DNAH1: variants seen among roughly 807,000 people sequenced by gnomAD.
The protein encoded by DNAH1 is axonemal beta dynein heavy chain 1.
In DNAH1, 327 loss-of-function variants were observed where a neutral mutation model predicts 484.3. The ratio of observed to expected loss-of-function variants is 0.68; its 90% CI spans 0.62 to 0.74. DNAH1 has a LOEUF of 0.74. Ranked by LOEUF, DNAH1 falls within the 30% of genes least tolerant of loss-of-function variation. The pLI, the probability that DNAH1 is intolerant of heterozygous loss-of-function variation, is 0.00. For missense variants in DNAH1, 5,052 were observed against 5,546.8 expected (o/e 0.91, Z 2.83); for synonymous variants, 2,192 against 2,191.9 (o/e 1.00, Z 0.00).
At position 52,373,018 on chromosome 3, in the gene DNAH1, T is replaced by C. The variant is rs1223852781; in HGVS notation, c.6950T>C (p.Met2317Thr). The change falls in exon 44 of 78, where the codon ATG becomes ACG. Residue 2317 changes from methionine (M) to threonine (T), a missense_variant. Met to Thr is a moderately conservative substitution (Grantham distance 81, BLOSUM62 -1). This residue lies in a region of DNAH1 where 2,929 missense variants were observed against 3,409.4 expected (regional missense o/e 0.86). Transcript: ENST00000420323. ...CCCATCGAGCTGTTGCGCCAGTGGATGGACCACGGCGGCTGGTACGACCGC... is the reference window on the plus strand; with the variant it reads ...CCCATCGAGCTGTTGCGCCAGTGGACGGACCACGGCGGCTGGTACGACCGC... Reference protein sequence around the residue: ...QPPIELLRQWMDHGGWYDRKI... With the variant: ...QPPIELLRQWTDHGGWYDRKI... 1.2e-6 allele frequency: 2 copies of C among 1,613,456 alleles called. No individual in the cohort carries two copies. Among genetic ancestry groups the C allele is most frequent in the Admixed American group, 3.3e-5 (2 of 60,018 alleles).
intron 66 of DNAH1, 90 bp downstream of exon 66, chr3:52,393,575 C>A: frequency 6.4e-7 from 1 of 1,556,538 alleles, no homozygotes; most frequent in South Asian, 1.1e-5. Context: ...GAAAGCCAGG[C>A]ATGAAGGCAC....
At chr3:52,342,057 G>A (rs1057300093) in intron 8 of DNAH1, among the ~76,000 whole-genome samples, 9 of 152,214 alleles carry the variant, frequency 5.9e-5, no homozygotes, top group African/African-American at 2.2e-4. Context: ...TATATTAGGC[G>A]GTCAGGGAAA....
intron 47 of DNAH1, 55 bp downstream of exon 47, chr3:52,378,835 C>T (rs1273805638): frequency 3.8e-6 from 6 of 1,596,484 alleles, no homozygotes; most frequent in East Asian, 2.2e-5. Flanking sequence ...CGCATCCTCC[C>T]CAGCCCCACC....
chr3:52,372,437 C>G, intron 43 of DNAH1, 50 bp downstream of exon 43: 1 of 1,600,796 alleles, frequency 6.2e-7, no homozygotes, highest in East Asian at 2.2e-5. Context: ...CCAGCCTGGC[C>G]GATCCAGCTG....
intron 73 of DNAH1, 142 bp downstream of exon 73, chr3:52,397,186 C>A: frequency 1.2e-6 from 1 of 858,776 alleles, no homozygotes; most frequent in African/African-American, 1.7e-5. Context: ...TCCATCCCAT[C>A]CCACAAAGAC....
In DNAH1 at chr3:52,372,964, C is replaced by T. The variant is rs752994430; in HGVS notation, c.6896C>T (p.Pro2299Leu). The change falls in exon 44 of 78, where the codon CCG (proline) becomes CTG (leucine). Residue 2299 changes from proline to leucine, a missense_variant. Pro to Leu is a moderately conservative substitution (Grantham distance 98). Transcript: ENST00000420323. ...TTCTTCATCGATGACCTGAACATGC[C>T]GGCCCTGGAGACCTACGGTGCACAG... is the stretch of plus-strand genomic sequence containing the variant. ...FIFFIDDLNM[P>L]ALETYGAQPP... 49 of 1,613,662 alleles carry T rather than the reference C, an allele frequency of 3.0e-5. No homozygotes were observed. The highest frequency in any genetic ancestry group is 3.4e-5 in the Non-Finnish European group (40 of 1,179,850).
At chr3:52,374,850 G>A (rs1703513614) in intron 44 of DNAH1, 3 of 1,105,700 alleles carry the variant, frequency 2.7e-6, no homozygotes, top group Non-Finnish European at 2.8e-6. Context: ...AGAAGCATGG[G>A]TTAAAATAGA....
chr3:52,322,562 G>T lies in DNAH1; in HGVS notation c.120G>T (p.Lys40Asn), dbSNP rs1466923278. The change falls in exon 2 of 78, where the codon AAG becomes AAT. Residue 40 changes from lysine to asparagine, a missense_variant. By Grantham distance (94) the Lys-to-Asn change is moderately conservative. Transcript: ENST00000420323. ...GGGGCCTAGAGTATAACCCGGGGAAGATTCTTCCAGGATCAGACTATGGGT... is the reference window on the plus strand; with the variant it reads ...GGGGCCTAGAGTATAACCCGGGGAATATTCTTCCAGGATCAGACTATGGGT... Reference protein sequence around the residue: ...THRGLEYNPGKILPGSDYGLG... With the variant: ...THRGLEYNPGNILPGSDYGLG... 6.2e-7 allele frequency: 1 copy of T among 1,613,910 alleles called. No individual in the cohort carries two copies. The highest frequency in any genetic ancestry group is 8.5e-7 in the Non-Finnish European group (1 of 1,179,854).
At chr3:52,371,855 C>G in intron 41 of DNAH1, 91 bp from the exon 42 acceptor site, 5 of 1,551,270 alleles carry the variant, frequency 3.2e-6, no homozygotes, top group Non-Finnish European at 4.3e-6. Context: ...CCGTGCAGCT[C>G]CTGGCCCTTC....
chr3:52,341,530 C>CTTT (rs55645528), intron 8 of DNAH1, among the ~76,000 whole-genome samples: 31 of 101,152 alleles, frequency 3.1e-4, no homozygotes, highest in East Asian at 5.1e-4. Flanking sequence ...TTGACTTTGA[C>CTTT]TTTTTTTTTT....
In DNAH1 at chr3:52,395,629, G is replaced by C; in HGVS notation, c.11210G>C (p.Ser3737Thr). 1.2e-6 allele frequency: 2 copies of C among 1,613,914 alleles called. No individual in the cohort carries two copies. Among genetic ancestry groups the C allele is most frequent in the Non-Finnish European group, 1.7e-6 (2 of 1,179,900 alleles). ...TTCCAGAACTGCCACCTGGCACCAA[G>C]CTGGATGCCAGCCCTAGAACGCCTC... ...VFFQNCHLAP[S>T]WMPALERLIE... Residue 3737 changes from serine (S) to threonine (T), a missense_variant, in exon 70 of 78, where the codon AGC becomes ACC. This residue lies in a region of DNAH1 where 853 missense variants were observed against 899.0 expected (regional missense o/e 0.95). Transcript: ENST00000420323. This position sits in a 1 kb window ranked among gnomAD's most constrained non-coding sequence, Gnocchi z 4.4.
intron 45 of DNAH1, 83 bp from the exon 46 acceptor site, chr3:52,375,872 T>TC: frequency 1.3e-6 from 2 of 1,503,036 alleles, no homozygotes; most frequent in South Asian, 2.3e-5. Flanking sequence ...AGATGCTGTT[T>TC]CCCCCACCAT....
intron 41 of DNAH1, among the ~76,000 whole-genome samples, 158 bp from the exon 42 acceptor site, chr3:52,371,788 G>C (rs1002991771): frequency 6.6e-6 from 1 of 152,184 alleles, no homozygotes; most frequent in African/African-American, 2.4e-5. Context: ...CAGGGCACAG[G>C]ACTTTCCATT....
At chr3:52,351,825 T>C in intron 16 of DNAH1, 137 bp from the exon 17 acceptor site, 1 of 1,087,820 alleles carries the variant, frequency 9.2e-7, no homozygotes, top group East Asian at 2.6e-5. Flanking sequence ...CCAGGTAGCC[T>C]CCACAGCTGC....
chr3:52,323,294 G>A (rs1428621100), intron 2 of DNAH1, among the ~76,000 whole-genome samples: 1 of 152,080 alleles, frequency 6.6e-6, no homozygotes, highest in Admixed American at 6.6e-5. Flanking sequence ...GCTAGAATGC[G>A]AGGGGAGAGA....
chr3:52,386,599 G>C, intron 55 of DNAH1, 63 bp from the exon 56 acceptor site: 1 of 1,468,080 alleles, frequency 6.8e-7, no homozygotes, highest in Non-Finnish European at 9.1e-7. Flanking sequence ...CTTTCTGGCA[G>C]GGTCCCTGCC....
chr3:52,332,174 G>T lies in DNAH1; in HGVS notation c.1066G>T (p.Val356Leu). 2 of 1,579,018 alleles carry T rather than the reference G, an allele frequency of 1.3e-6. No individual in the cohort carries two copies. Among genetic ancestry groups the T allele is most frequent in the South Asian group, 1.2e-5 (1 of 86,764 alleles). Residue 356 changes from valine (V) to leucine (L), a missense_variant, in exon 8 of 78, where the codon GTG becomes TTG. Transcript: ENST00000420323. ...RPPLQVCQYW[V>L]PRIQLLFCAE... ...ACCCCTTCAGGTCTGTCAGTACTGG[G>T]TGCCACGGATCCAGCTTCTCTTCTG...
In DNAH1 at chr3:52,348,929, G is replaced by A. The variant is rs1489645882; in HGVS notation, c.2148G>A (p.Leu716=). The A allele has an allele frequency of 1.2e-6, 2 of 1,613,400 alleles. No homozygotes were observed. Among genetic ancestry groups the A allele is most frequent in the African/African-American group, 1.3e-5 (1 of 75,038 alleles). The change falls in exon 13 of 78, where the codon CTG becomes CTA. Residue 716 remains leucine, a synonymous_variant. Transcript: ENST00000420323. ...TCTTCATCAGCGGTGACCCCCTGCT[G>A]GAGTCCGTGGGCCTTCATGAGCCAC... ...EDIFISGDPL[L]ESVGLHEPLV... is the part of the protein sequence containing the mutation.
At chr3:52,342,034 A>G (rs536979068) in intron 8 of DNAH1, among the ~76,000 whole-genome samples, 4 of 152,372 alleles carry the variant, frequency 2.6e-5, no homozygotes, top group African/African-American at 7.2e-5. Context: ...GAGATGTCTC[A>G]GAAGGGCTTC....
Sources: allele counts gnomAD v4.1 joint callset (sites outside exome capture counted in the v4.1 genomes callset), GRCh38; gene constraint gnomAD v4.1.1; regional missense constraint gnomAD v4.1.1; non-coding constraint Gnocchi (gnomAD v3.1); transcripts MANE v1.5; gene names NCBI Gene and HGNC (gene_info 2026-07-23, HGNC 2026-07-21).